The following CSMD1 variants were observed in gnomAD, a reference collection of about 807,000 sequenced individuals.
The protein encoded by CSMD1 is CUB and Sushi multiple domains 1.
CSMD1 carries 213 observed loss-of-function variants against 417.5 expected under a neutral mutation model. The observed-to-expected ratio is 0.51, with a 90% CI of 0.46 to 0.57. The LOEUF (loss-of-function observed/expected upper bound fraction) is 0.57. CSMD1 is among the 20% of genes least tolerant of loss of function. The pLI is 0.00. For missense variants in CSMD1, 6,923 were observed against 4,529.7 expected (o/e 1.53, Z -15.17); for synonymous variants, 2,862 against 1,736.8 (o/e 1.65, Z -16.11).
chr8:3,914,072 TAAAG>T (rs1484707702), intron 5 of CSMD1, among the ~76,000 whole-genome samples: 1 of 152,168 alleles, frequency 6.6e-6, no homozygotes, highest in Non-Finnish European at 1.5e-5. Flanking sequence ...ATGATCACAA[TAAAG>T]AGTCATATTT....
chr8:4,000,263 C>T (rs563116135), intron 4 of CSMD1, among the ~76,000 whole-genome samples: 1 of 152,142 alleles, frequency 6.6e-6, no homozygotes, highest in African/African-American at 2.4e-5. Context: ...ACTGTGCAAG[C>T]ACACACACTT....
chr8:3,218,966 A>C (rs1468726594), intron 29 of CSMD1, among the ~76,000 whole-genome samples: 3 of 152,226 alleles, frequency 2.0e-5, no homozygotes, highest in African/African-American at 7.2e-5. Flanking sequence ...TCTTAAAATA[A>C]TTATTAAATG....
At chr8:4,530,105 G>C (rs1005144695) in intron 2 of CSMD1, among the ~76,000 whole-genome samples, 1 of 151,406 alleles carries the variant, frequency 6.6e-6, no homozygotes, top group Admixed American at 6.6e-5. Flanking sequence ...AGTAGATACG[G>C]GGTTTCACCG....
intron 3 of CSMD1, among the ~76,000 whole-genome samples, chr8:4,201,218 A>C (rs184084133): frequency 1.7e-3 from 258 of 152,316 alleles, no homozygotes; most frequent in African/African-American, 5.8e-3. Flanking sequence ...TGGCACAAAG[A>C]AAATACTGGT....
At chr8:4,381,674 G>T (rs192312763) in intron 3 of CSMD1, among the ~76,000 whole-genome samples, 103 of 152,258 alleles carry the variant, frequency 6.8e-4, no homozygotes, top group Admixed American at 1.9e-3. Context: ...CCCCAGTGTT[G>T]TGTGGGAGAA....
chr8:4,189,262 A>T (rs1798872142), intron 3 of CSMD1, among the ~76,000 whole-genome samples: 1 of 152,214 alleles, frequency 6.6e-6, no homozygotes, highest in Admixed American at 6.5e-5. Flanking sequence ...GCCCATCTGT[A>T]GAGAAACACT....
At chr8:4,068,932 G>T (rs967796711) in intron 3 of CSMD1, among the ~76,000 whole-genome samples, 2 of 152,148 alleles carry the variant, frequency 1.3e-5, no homozygotes, top group African/African-American at 2.4e-5. Flanking sequence ...ATTTTGTGGA[G>T]AAATTCTTAG....
chr8:3,590,468 T>C (rs769249533), intron 8 of CSMD1, among the ~76,000 whole-genome samples: 20 of 152,140 alleles, frequency 1.3e-4, no homozygotes, highest in Non-Finnish European at 2.5e-4. Context: ...ACTAGTTCAG[T>C]GGAGAGCGGA....
intron 17 of CSMD1, among the ~76,000 whole-genome samples, chr8:3,389,002 T>G (rs538458802): frequency 6.6e-6 from 1 of 152,264 alleles, no homozygotes; most frequent in East Asian, 1.9e-4. Context: ...TTTTATGCAT[T>G]ATTGGCTCCA....
intron 2 of CSMD1, among the ~76,000 whole-genome samples, chr8:4,478,152 G>A (rs539005404): frequency 6.5e-4 from 99 of 152,170 alleles, no homozygotes; most frequent in Non-Finnish European, 1.2e-3. Flanking sequence ...CAGCAAAGAT[G>A]GGCAATTTTC....
Position 3,178,763 on chromosome 8 carries a change from A to G in CSMD1, c.5725+2347T>C, listed in dbSNP as rs576452184. 7.2e-4 allele frequency among the ~76,000 whole-genome samples: 109 copies of G among 152,224 alleles called. 1 individual carries two copies. Among genetic ancestry groups the G allele is most frequent in the South Asian group, 2.1e-4 (1 of 4,824 alleles). ...TTTTCCATTTTTATTTCATGGACATAAAATAAAAATCTGAATTTAGAGATT... is the reference window on the plus strand; with the variant it reads ...TTTTCCATTTTTATTTCATGGACATGAAATAAAAATCTGAATTTAGAGATT... On this transcript the variant is annotated intron_variant, in intron 37 of 69. Transcript: ENST00000635120.
chr8:3,935,740 C>T (rs1168848265), intron 5 of CSMD1, among the ~76,000 whole-genome samples: 1 of 152,252 alleles, frequency 6.6e-6, no homozygotes, highest in Non-Finnish European at 1.5e-5. Flanking sequence ...TTGGGCCTCG[C>T]TATTCCGTGA....
At chr8:4,110,645 T>G (rs1205292345) in intron 3 of CSMD1, among the ~76,000 whole-genome samples, 6 of 152,144 alleles carry the variant, frequency 3.9e-5, no homozygotes, top group African/African-American at 1.4e-4. Flanking sequence ...CAGGTGTGTG[T>G]GTGCATGTGT....
intron 5 of CSMD1, among the ~76,000 whole-genome samples, chr8:3,811,296 C>G (rs915434184): frequency 1.3e-5 from 2 of 152,190 alleles, no homozygotes; most frequent in African/African-American, 4.8e-5. Flanking sequence ...GCACGGAAAA[C>G]TGCTAACCTG....
chr8:4,949,852 T>C (rs112201025), intron 1 of CSMD1, among the ~76,000 whole-genome samples: 1 of 152,218 alleles, frequency 6.6e-6, no homozygotes, highest in Non-Finnish European at 1.5e-5. Context: ...AGAGAGAATA[T>C]ATAAGGTTAG....
At chr8:3,735,935 C>T (rs73658226) in intron 6 of CSMD1, among the ~76,000 whole-genome samples, 3,237 of 151,558 alleles carry the variant, frequency 0.021, 125 homozygotes, top group African/African-American at 0.075. Context: ...AGCTTTCTTG[C>T]TAGGGAAAGA....
chr8:4,456,058 CCAA>C (rs1340815281), intron 2 of CSMD1, among the ~76,000 whole-genome samples: 2 of 48,856 alleles, frequency 4.1e-5, no homozygotes, highest in East Asian at 7.2e-4. Flanking sequence ...CTATCATTGA[CCAA>C]AAAAAAAAAA....
In CSMD1 at chr8:2,966,612, T is replaced by A. The variant is rs762990677; in HGVS notation, c.9058A>T (p.Thr3020Ser). The A allele has an allele frequency of 6.2e-7, 1 of 1,613,614 alleles. No homozygotes were observed. Among genetic ancestry groups the A allele is most frequent in the Admixed American group, 1.7e-5 (1 of 59,990 alleles). Residue 3020 changes from threonine (T) to serine (S), a missense_variant, in exon 58 of 70, where the codon ACA becomes TCA. Physicochemically the swap from Thr to Ser is moderately conservative, Grantham distance 58 (BLOSUM62 1). Coordinates refer to ENST00000635120, the MANE Select transcript of CSMD1 (RefSeq NM_033225.6). ...GTGCCTGTCCAGGTCCCATTGGCTG[T>A]GCAATGCCGTGTCATGAGCCCTGAG... The part of the protein sequence containing the change: ...KTSGLMTRHC[T>S]ANGTWTGTAP...
At chr8:4,068,052 G>C (rs1004478215) in intron 3 of CSMD1, among the ~76,000 whole-genome samples, 2 of 152,160 alleles carry the variant, frequency 1.3e-5, no homozygotes, top group African/African-American at 4.8e-5. Flanking sequence ...CTGCACTCCA[G>C]CCTGGCGACA....
Sources: gnomAD v4.1 joint callset for allele counts (sites outside exome capture counted in the v4.1 genomes callset) on GRCh38, gnomAD v4.1.1 for gene constraint, MANE v1.5 for transcripts, NCBI Gene and HGNC (gene_info 2026-07-23, HGNC 2026-07-21) for gene names.